Variants in MALRD1 observed in about 807,000 individuals in gnomAD.
MALRD1 encodes MAM and LDL receptor class A domain containing 1.
MALRD1 carries 247 observed loss-of-function variants against 242.1 expected under a neutral mutation model. That is an observed-to-expected ratio of 1.02 (90% CI 0.92 to 1.13). MALRD1 has a LOEUF of 1.13. Ranked by LOEUF, MALRD1 falls within the 50% of genes most tolerant of loss-of-function variation. MALRD1 has a pLI of 0.00. For missense variants in MALRD1, 2,989 were observed against 2,533.1 expected, an observed-to-expected ratio of 1.18 and a Z score of -3.86; for synonymous variants, 995 against 866.6, an observed-to-expected ratio of 1.15 and a Z score of -2.60.
chr10:19,373,231 G>A (rs376817532), intron 26 of MALRD1, among the ~76,000 whole-genome samples: 19 of 109,584 alleles, frequency 1.7e-4, no homozygotes, highest in African/African-American at 6.6e-4. Context: ...TAAGGGGCCG[G>A]GCACGGTGGC....
chr10:19,588,381 G>C (rs1837560454), intron 33 of MALRD1, among the ~76,000 whole-genome samples: 1 of 152,080 alleles, frequency 6.6e-6, no homozygotes, highest in Non-Finnish European at 1.5e-5. Flanking sequence ...TTACTCTTTT[G>C]GGCATTAGGA....
chr10:19,588,412 G>C (rs1208369084), intron 33 of MALRD1, among the ~76,000 whole-genome samples: 1 of 152,164 alleles, frequency 6.6e-6, no homozygotes, highest in Non-Finnish European at 1.5e-5. Context: ...TTCTCAAAGA[G>C]AGGTTAAAAC....
intron 14 of MALRD1, among the ~76,000 whole-genome samples, chr10:19,178,817 C>T (rs1463307264): frequency 6.6e-6 from 1 of 152,114 alleles, no homozygotes; most frequent in Admixed American, 6.5e-5. Context: ...AAAGGGAGCA[C>T]ATGAAACTAA....
intron 26 of MALRD1, among the ~76,000 whole-genome samples, chr10:19,373,820 G>T (rs1479971230): frequency 1.3e-5 from 2 of 152,036 alleles, no homozygotes; most frequent in African/African-American, 4.8e-5. Flanking sequence ...TATAACTCAG[G>T]CTTTAACTTG....
intron 5 of MALRD1, among the ~76,000 whole-genome samples, chr10:19,107,678 A>C (rs976006055): frequency 1.4e-5 from 2 of 144,564 alleles, no homozygotes; most frequent in African/African-American, 5.1e-5. Context: ...TTTAGTCGTT[A>C]TTTTCTGGTT....
At chr10:19,559,983 A>C (rs1047783425) in intron 32 of MALRD1, among the ~76,000 whole-genome samples, 1 of 152,166 alleles carries the variant, frequency 6.6e-6, no homozygotes, top group Non-Finnish European at 1.5e-5. Context: ...AAAAGTCAGG[A>C]AACAACAGAT....
intron 1 of MALRD1, among the ~76,000 whole-genome samples, chr10:19,064,868 C>T (rs936569885): frequency 6.6e-6 from 1 of 151,848 alleles, no homozygotes; most frequent in Non-Finnish European, 1.5e-5. Flanking sequence ...GGAGCAGGAC[C>T]AACTCATAGG....
chr10:19,412,404 C>T (rs1297666901), intron 28 of MALRD1, among the ~76,000 whole-genome samples: 2 of 152,172 alleles, frequency 1.3e-5, no homozygotes, highest in Admixed American at 1.3e-4. Flanking sequence ...GGAAAAACCC[C>T]ATCAACCAGA....
intron 21 of MALRD1, among the ~76,000 whole-genome samples, chr10:19,301,664 A>G (rs1841954798): frequency 6.6e-6 from 1 of 151,784 alleles, no homozygotes; most frequent in African/African-American, 2.4e-5. Context: ...CTAAACATTG[A>G]GTACACATGG....
rs1839130775 is a variant in MALRD1 at position 19,615,871 on chromosome 10, T to A, written c.6085T>A (p.Tyr2029Asn). The change falls in exon 36 of 40, where the codon TAC becomes AAC. Residue 2029 changes from tyrosine to asparagine, a missense_variant. Tyr to Asn is a moderately radical substitution (Grantham distance 143, BLOSUM62 -2). Coordinates refer to ENST00000454679, the MANE Select transcript of MALRD1 (RefSeq NM_001142308.3). ...CTTCTTTTTAGAATGTCCATTAAAT[T>A]ACTGCAGAAATGGTGGGACTTGTGT... ...ESSCSECPLN[Y>N]CRNGGTCVVE... The A allele has an allele frequency of 5.2e-6, 8 of 1,530,832 alleles. No homozygotes were observed. The South Asian group carries it at 9.6e-5, about 18-fold the overall frequency. The allele number at this position is 1,530,832 out of a possible 1,614,324, so 94.8% of individuals were successfully genotyped here.
intron 36 of MALRD1, among the ~76,000 whole-genome samples, chr10:19,671,860 T>C (rs1272977653): frequency 1.3e-5 from 2 of 152,142 alleles, no homozygotes; most frequent in African/African-American, 4.8e-5. Flanking sequence ...TGACAGAAAC[T>C]GCTGAACCCT....
intron 28 of MALRD1, among the ~76,000 whole-genome samples, chr10:19,398,171 A>G (rs980064312): frequency 6.6e-5 from 10 of 151,362 alleles, no homozygotes; most frequent in African/African-American, 2.4e-4. Flanking sequence ...GTTTGGTGCA[A>G]TCTCATTTGT....
intron 2 of MALRD1, among the ~76,000 whole-genome samples, chr10:19,072,085 T>C (rs1835167124): frequency 6.6e-6 from 1 of 152,126 alleles, no homozygotes; most frequent in Non-Finnish European, 1.5e-5. Flanking sequence ...CCAGCAACCA[T>C]TTTCTTATCT....
chr10:19,586,548 G>A (rs938779864), intron 33 of MALRD1, among the ~76,000 whole-genome samples: 1 of 152,176 alleles, frequency 6.6e-6, no homozygotes, highest in Admixed American at 6.5e-5. Flanking sequence ...AGGGGTCAGG[G>A]GTCAGGGACC....
intron 32 of MALRD1, among the ~76,000 whole-genome samples, chr10:19,538,709 A>G (rs1222524616): frequency 1.3e-5 from 2 of 152,192 alleles, no homozygotes; most frequent in Non-Finnish European, 2.9e-5. Context: ...ACTTAAAGAA[A>G]TAAAAGGAAA....
intron 21 of MALRD1, among the ~76,000 whole-genome samples, chr10:19,320,060 T>C (rs1564559248): frequency 1.3e-5 from 2 of 149,790 alleles, no homozygotes; most frequent in African/African-American, 4.9e-5. Context: ...TTTTTTTTTT[T>C]TTTCAAATTT....
At chr10:19,679,621 C>A (rs869194264) in intron 36 of MALRD1, among the ~76,000 whole-genome samples, 1 of 151,826 alleles carries the variant, frequency 6.6e-6, no homozygotes, top group African/African-American at 2.4e-5. Flanking sequence ...ATTCGTTGAT[C>A]TTTTGAAGAG....
At chr10:19,676,830 T>C (rs78186744) in intron 36 of MALRD1, among the ~76,000 whole-genome samples, 1 of 152,068 alleles carries the variant, frequency 6.6e-6, no homozygotes, top group African/African-American at 2.4e-5. Context: ...CCCTCTCCCC[T>C]GACAGGACCC....
At chr10:19,295,735 G>T (rs1025669900) in intron 21 of MALRD1, among the ~76,000 whole-genome samples, 2 of 152,094 alleles carry the variant, frequency 1.3e-5, no homozygotes, top group African/African-American at 4.8e-5. Context: ...AGGCTATTTT[G>T]TTCAACACTG....
Sources: gnomAD v4.1 joint callset for allele counts (sites outside exome capture counted in the v4.1 genomes callset) on GRCh38, gnomAD v4.1.1 for gene constraint, MANE v1.5 for transcripts, NCBI Gene and HGNC (gene_info 2026-07-23, HGNC 2026-07-21) for gene names.